NNT: variants seen among roughly 807,000 people sequenced by gnomAD.
The protein encoded by NNT is nicotinamide nucleotide transhydrogenase.
NNT carries 50 observed loss-of-function variants against 104.8 expected under a neutral mutation model. That is an observed-to-expected ratio of 0.48 (90% CI 0.38 to 0.60). The LOEUF is 0.60. Ranked by LOEUF, NNT falls within the 20% of genes least tolerant of loss-of-function variation. The probability of loss-of-function intolerance (pLI) is 0.00; values close to 1 mark genes in which losing one functional copy is unlikely to be tolerated. For missense variants in NNT, 1,131 were observed against 1,330.7 expected (o/e 0.85, Z 2.33); for synonymous variants, 461 against 490.4 (o/e 0.94, Z 0.79).
chr5:43,668,887 C>T lies in NNT; in HGVS notation c.2635-6624C>T, dbSNP rs554511267. On this transcript the variant is annotated intron_variant, in intron 17 of 21. Transcript: ENST00000344920. The stretch of plus-strand genomic sequence containing the variant: ...ACCTTGGGCAGAATGACCATTTTCA[C>T]GATATTGATTCTTCCTATCCATGAG... 3.0e-4 allele frequency among the ~76,000 whole-genome samples: 46 copies of T among 152,270 alleles called. 1 individual carries two copies. In the South Asian group the frequency reaches 8.1e-3, roughly 27 times the overall value.
At chr5:43,646,806 C>T (rs1739471919) in intron 10 of NNT, among the ~76,000 whole-genome samples, 1 of 152,128 alleles carries the variant, frequency 6.6e-6, no homozygotes, top group Non-Finnish European at 1.5e-5. Context: ...TTAAGTTACT[C>T]AACTTGTAAA....
chr5:43,680,221 CA>C (rs1408504786), intron 19 of NNT, among the ~76,000 whole-genome samples: 3 of 151,608 alleles, frequency 2.0e-5, no homozygotes, highest in African/African-American at 7.3e-5. Context: ...AGGAGAAATG[CA>C]AATTTTCTTT....
intron 6 of NNT, among the ~76,000 whole-genome samples, chr5:43,627,820 T>A (rs1015901411): frequency 3.9e-5 from 6 of 152,076 alleles, no homozygotes; most frequent in African/African-American, 1.4e-4. Context: ...TTCAGAATAT[T>A]TACAAGTGAA....
At chr5:43,626,108 C>T (rs1750347031) in intron 6 of NNT, among the ~76,000 whole-genome samples, 1 of 151,528 alleles carries the variant, frequency 6.6e-6, no homozygotes, top group Non-Finnish European at 1.5e-5. Context: ...ATACAGTAAG[C>T]CCTCTATCCA....
At position 43,645,498 on chromosome 5, in the gene NNT, G is replaced by A. The variant is rs756560783; in HGVS notation, c.1432G>A (p.Ala478Thr). The A allele has an allele frequency of 6.5e-7, 1 of 1,530,174 alleles. No homozygotes were observed. The highest frequency in any genetic ancestry group is 8.8e-7 in the Non-Finnish European group (1 of 1,137,652). The allele number at this position is 1,530,174 out of a possible 1,614,324, so 94.8% of individuals were successfully genotyped here. The change falls in exon 10 of 22, where the codon GCA becomes ACA. Residue 478 changes from alanine to threonine, a missense_variant. Coordinates refer to ENST00000344920, the MANE Select transcript of NNT (RefSeq NM_182977.3). The stretch of plus-strand genomic sequence containing the variant: ...CAGGAAGACAATGTCAACGGCTTCT[G>A]CATATACAGCAGGTGAGGATACCAT... ...PFRKTMSTAS[A>T]YTAGLTGILG...
intron 19 of NNT, among the ~76,000 whole-genome samples, chr5:43,696,959 G>A (rs1180031148): frequency 6.6e-6 from 1 of 152,310 alleles, no homozygotes; most frequent in Non-Finnish European, 1.5e-5. Flanking sequence ...CTGTTGCAAA[G>A]GTCGCTGACA....
intron 17 of NNT, among the ~76,000 whole-genome samples, chr5:43,669,550 T>G (rs1196073942): frequency 1.3e-5 from 2 of 152,258 alleles, no homozygotes; most frequent in East Asian, 3.9e-4. Flanking sequence ...ATGTGGTTTT[T>G]GTCATTGGTT....
rs999120722 is a variant in NNT at position 43,654,165 on chromosome 5, A to G, written c.2059+952A>G. ...ATTGTATGTGTATAGAAGAAATACT[A>G]TGTATCAGTGGGCTGTGGTACATCT... On this transcript the variant is annotated intron_variant, in intron 14 of 21. Coordinates refer to ENST00000344920, the MANE Select transcript of NNT (RefSeq NM_182977.3). Among the ~76,000 whole-genome samples, 3 of 152,200 alleles carry G rather than the reference A, an allele frequency of 2.0e-5. No homozygotes were observed. In the East Asian group the frequency reaches 5.8e-4, roughly 29 times the overall value.
At chr5:43,684,643 A>T (rs1480818053) in intron 19 of NNT, among the ~76,000 whole-genome samples, 1 of 152,062 alleles carries the variant, frequency 6.6e-6, no homozygotes, top group Non-Finnish European at 1.5e-5. Flanking sequence ...ACTACCAAGG[A>T]TAATTTATCT....
At position 43,615,960 on chromosome 5, in the gene NNT, A is replaced by G. The variant is rs1438582548; in HGVS notation, c.494A>G (p.Asn165Ser). 1.2e-6 allele frequency: 2 copies of G among 1,614,100 alleles called. No homozygotes were observed. The highest frequency in any genetic ancestry group is 1.7e-6 in the Non-Finnish European group (2 of 1,180,048). The change falls in exon 4 of 22, where the codon AAT becomes AGT. Residue 165 changes from asparagine to serine, a missense_variant. Asn to Ser is a conservative substitution (Grantham distance 46). Transcript: ENST00000344920. ...IYPAQNPELL[N>S]KLSQRKTTVL... ...CCAGCCCAAAATCCAGAGTTGCTAA[A>G]TAAACTTTCCCAAAGAAAAACTACA...
intron 13 of NNT, 47 bp from the exon 14 acceptor site, chr5:43,652,969 AAT>A: frequency 2.7e-6 from 4 of 1,466,242 alleles, no homozygotes; most frequent in Non-Finnish European, 3.7e-6. Context: ...TCTCTAAGCT[AAT>A]AGACCAAAGG....
At chr5:43,671,883 C>G (rs1741116527) in intron 17 of NNT, among the ~76,000 whole-genome samples, 1 of 152,162 alleles carries the variant, frequency 6.6e-6, no homozygotes, top group East Asian at 1.9e-4. Flanking sequence ...GAGTGTTTTC[C>G]AACTTGGTTC....
intron 12 of NNT, 46 bp downstream of exon 12, chr5:43,650,633 T>C (rs79308508): frequency 0.04 from 55,330 of 1,382,808 alleles, 1,732 homozygotes; most frequent in African/African-American, 0.15. Flanking sequence ...AATGGAGACA[T>C]ACAAAGCAAA....
chr5:43,659,907 A>G (rs1479330032), intron 17 of NNT, among the ~76,000 whole-genome samples: 2 of 152,092 alleles, frequency 1.3e-5, no homozygotes, highest in Non-Finnish European at 2.9e-5. Flanking sequence ...AACAGGTAAG[A>G]TTTTGGTTTA....
At chr5:43,635,701 T>G (rs1750895744) in intron 7 of NNT, among the ~76,000 whole-genome samples, 1 of 152,166 alleles carries the variant, frequency 6.6e-6, no homozygotes, top group African/African-American at 2.4e-5. Context: ...TGCTGTGTCC[T>G]CACATGGTCT....
intron 18 of NNT, 49 bp from the exon 19 acceptor site, chr5:43,677,676 A>G: frequency 6.6e-7 from 1 of 1,513,596 alleles, no homozygotes; most frequent in South Asian, 1.1e-5. Flanking sequence ...ACTTCATGTA[A>G]TTTCAAAATA....
chr5:43,657,336 T>C (rs62367634), intron 16 of NNT, among the ~76,000 whole-genome samples: 5,134 of 152,308 alleles, frequency 0.034, 132 homozygotes, highest in East Asian at 0.12. Flanking sequence ...CTTTCTTCTT[T>C]CTCTGCAATT....
At chr5:43,672,169 C>G (rs1309603668) in intron 17 of NNT, among the ~76,000 whole-genome samples, 1 of 152,132 alleles carries the variant, frequency 6.6e-6, no homozygotes, top group Non-Finnish European at 1.5e-5. Flanking sequence ...ACTGTTTATT[C>G]TAGTTAGCCA....
At chr5:43,668,941 C>T (rs967698043) in intron 17 of NNT, among the ~76,000 whole-genome samples, 5 of 152,142 alleles carry the variant, frequency 3.3e-5, no homozygotes, top group Non-Finnish European at 7.4e-5. Context: ...TTGTTTGTGT[C>T]CTCTTTTATT....
Sources: gnomAD v4.1 joint callset for allele counts (sites outside exome capture counted in the v4.1 genomes callset) on GRCh38, gnomAD v4.1.1 for gene constraint, MANE v1.5 for transcripts, NCBI Gene and HGNC (gene_info 2026-07-23, HGNC 2026-07-21) for gene names.